The following OPRM1 variants were observed in gnomAD, a reference collection of about 807,000 sequenced individuals.
OPRM1 encodes opioid receptor mu 1.
In OPRM1, 27 loss-of-function variants were observed where a neutral mutation model predicts 31.8. The ratio of observed to expected loss-of-function variants is 0.85; its 90% CI spans 0.63 to 1.17. OPRM1 has a LOEUF of 1.17. Ranked by LOEUF, OPRM1 falls within the 50% of genes most tolerant of loss-of-function variation. OPRM1 has a pLI of 0.00. For synonymous variants in OPRM1, 196 were observed against 189.9 expected (o/e 1.03, Z -0.26); for missense variants, 536 against 511.1 (o/e 1.05, Z -0.47).
intron 3 of OPRM1, among the ~76,000 whole-genome samples, chr6:154,198,474 T>A (rs1387967171): frequency 1.3e-5 from 2 of 152,098 alleles, no homozygotes; most frequent in Non-Finnish European, 2.9e-5. Flanking sequence ...TTGGCCTAAA[T>A]AAAGGGGAGA....
downstream of OPRM1, among the ~76,000 whole-genome samples, chr6:154,133,805 C>A (rs1161851815): frequency 6.6e-6 from 1 of 152,136 alleles, no homozygotes; most frequent in Non-Finnish European, 1.5e-5. Context: ...CAGCGTAAGC[C>A]CTCCAAGTGC....
intron 3 of OPRM1, among the ~76,000 whole-genome samples, chr6:154,184,490 A>AT (rs1307511114): frequency 6.6e-6 from 1 of 151,708 alleles, no homozygotes; most frequent in Non-Finnish European, 1.5e-5. Flanking sequence ...TTCTATTTAC[A>AT]TTTTTTTTAA....
At chr6:154,141,153 A>G (rs1798196746) in intron 3 of OPRM1, among the ~76,000 whole-genome samples, 1 of 152,220 alleles carries the variant, frequency 6.6e-6, no homozygotes, top group African/African-American at 2.4e-5. Context: ...TTTCTCATTC[A>G]TCAGAAAGAT....
chr6:154,031,123 G>C (rs1340432223), intron 1 of OPRM1, among the ~76,000 whole-genome samples: 4 of 152,062 alleles, frequency 2.6e-5, no homozygotes, highest in Non-Finnish European at 5.9e-5. Flanking sequence ...CTCATCAAAA[G>C]CTCTGTGAGT....
chr6:154,049,215 T>C (rs1652266882), intron 1 of OPRM1, among the ~76,000 whole-genome samples: 2 of 152,152 alleles, frequency 1.3e-5, no homozygotes, highest in African/African-American at 2.4e-5. Flanking sequence ...CTTCTTGGCT[T>C]AGGGACACTA....
chr6:154,201,001 A>G (rs1298273492), intron 3 of OPRM1, among the ~76,000 whole-genome samples: 1 of 152,118 alleles, frequency 6.6e-6, no homozygotes, highest in Non-Finnish European at 1.5e-5. Flanking sequence ...TTCTCATGAT[A>G]GTGAGTGAGT....
At chr6:154,098,027 C>T (rs577089504) in intron 3 of OPRM1, among the ~76,000 whole-genome samples, 69 of 152,102 alleles carry the variant, frequency 4.5e-4, no homozygotes, top group Non-Finnish European at 1.6e-4. Flanking sequence ...GCCAGGTGTT[C>T]GAGACCAACC....
chr6:154,139,973 T>C (rs915340685), intron 3 of OPRM1, among the ~76,000 whole-genome samples: 4 of 152,112 alleles, frequency 2.6e-5, no homozygotes, highest in African/African-American at 9.7e-5. Flanking sequence ...CTTGAATCAG[T>C]CTAGGCCAAA....
intron 3 of OPRM1, among the ~76,000 whole-genome samples, chr6:154,092,949 G>T (rs542987015): frequency 3.3e-5 from 5 of 152,092 alleles, no homozygotes; most frequent in Non-Finnish European, 7.4e-5. Context: ...TTTTCTCTAC[G>T]TTTTTTTCCA....
At chr6:154,213,896 A>G (rs565418681) in intron 3 of OPRM1, among the ~76,000 whole-genome samples, 6 of 152,344 alleles carry the variant, frequency 3.9e-5, no homozygotes, top group Admixed American at 1.3e-4. Context: ...GATCATGACG[A>G]GATCATGTCT....
At position 154,082,550 on chromosome 6, in the gene OPRM1, G is replaced by T. The variant is rs565470114; in HGVS notation, c.291-7276G>T. On this transcript the variant is annotated intron_variant, in intron 1 of 3. Transcript: ENST00000330432. Reference sequence around the variant, plus strand: ...AATTGTTTTATCATATTTTGAAGTTGTCTTCTTTGTTGTTCCTTCCGTATT... The same window carrying T: ...AATTGTTTTATCATATTTTGAAGTTTTCTTCTTTGTTGTTCCTTCCGTATT... 2.6e-5 allele frequency among the ~76,000 whole-genome samples: 4 copies of T among 152,194 alleles called. No individual in the cohort carries two copies. In the East Asian group the frequency reaches 7.7e-4, roughly 29 times the overall value.
chr6:154,016,783 C>T (rs955050512), intron 1 of OPRM1, among the ~76,000 whole-genome samples: 7 of 152,152 alleles, frequency 4.6e-5, no homozygotes, highest in Non-Finnish European at 8.8e-5. Context: ...TACGTGTGGA[C>T]TGTATTTTTC....
intron 1 of OPRM1, among the ~76,000 whole-genome samples, chr6:154,047,990 T>A (rs1488940181): frequency 1.3e-5 from 2 of 152,176 alleles, no homozygotes; most frequent in African/African-American, 2.4e-5. Flanking sequence ...CTCTAGGGCC[T>A]CTTTCATAAG....
intron 1 of OPRM1, among the ~76,000 whole-genome samples, chr6:154,040,553 G>T (rs890646052): frequency 3.3e-5 from 5 of 152,122 alleles, no homozygotes; most frequent in Non-Finnish European, 7.3e-5. Flanking sequence ...GCTTCAGATC[G>T]CCTAAGTCAC....
intron 3 of OPRM1, among the ~76,000 whole-genome samples, chr6:154,174,208 C>G (rs1346587111): frequency 6.6e-6 from 1 of 152,186 alleles, no homozygotes; most frequent in Non-Finnish European, 1.5e-5. Context: ...GTACCAGCCA[C>G]TGCAAAAACA....
intron 3 of OPRM1, among the ~76,000 whole-genome samples, chr6:154,177,903 T>C (rs768393867): frequency 1.4e-4 from 21 of 152,094 alleles, no homozygotes; most frequent in Non-Finnish European, 2.6e-4. Flanking sequence ...TGTCCATCAA[T>C]AATAGACTAG....
chr6:154,188,828 T>TTTTCCTA (rs1801611605), intron 3 of OPRM1, among the ~76,000 whole-genome samples: 1 of 152,204 alleles, frequency 6.6e-6, no homozygotes. Flanking sequence ...AAGATGATAT[T>TTTTCCTA]GTATCTCATT....
chr6:154,056,364 C>T (rs973363798), intron 1 of OPRM1, among the ~76,000 whole-genome samples: 216 of 151,892 alleles, frequency 1.4e-3, no homozygotes, highest in African/African-American at 4.9e-3. Context: ...CCTCATAATC[C>T]GCCCGCCTCA....
At chr6:154,050,329 G>A (rs1781940783) in intron 1 of OPRM1, among the ~76,000 whole-genome samples, 1 of 152,146 alleles carries the variant, frequency 6.6e-6, no homozygotes, top group African/African-American at 2.4e-5. Flanking sequence ...CAACAGCTAA[G>A]ATTTGGAAGC....
Sources: allele counts gnomAD v4.1 joint callset (sites outside exome capture counted in the v4.1 genomes callset), GRCh38; gene constraint gnomAD v4.1.1; transcripts MANE v1.5; gene names NCBI Gene and HGNC (gene_info 2026-07-23, HGNC 2026-07-21).